Variants in TRPM3 observed in about 807,000 individuals in gnomAD.
TRPM3 encodes the protein long transient receptor potential channel 3.
In TRPM3, 77 loss-of-function variants were observed where a neutral mutation model predicts 181.2. That is an observed-to-expected ratio of 0.42 (90% CI 0.35 to 0.51). The LOEUF is 0.51. Among genes scored for constraint, TRPM3 ranks in the 20% least tolerant of loss-of-function variants. The pLI, the probability that TRPM3 is intolerant of heterozygous loss-of-function variation, is 0.01. For synonymous variants in TRPM3, 745 were observed against 796.4 expected (o/e 0.94, Z 1.09); for missense variants, 1,759 against 2,196.7 (o/e 0.80, Z 3.98).
intron 1 of TRPM3, among the ~76,000 whole-genome samples, chr9:71,197,698 G>A (rs569534746): frequency 0.03 from 4,610 of 151,784 alleles, 209 homozygotes; most frequent in African/African-American, 0.1. Context: ...CATTTCCTTC[G>A]CCCACTTTTT....
intron 7 of TRPM3, among the ~76,000 whole-genome samples, chr9:70,771,432 CTTCT>C (rs1434287246): frequency 4.0e-5 from 6 of 151,864 alleles, no homozygotes; most frequent in Admixed American, 3.3e-4. Context: ...CATTCTTTTC[CTTCT>C]TTCTTTCCTT....
rs538484233 is a variant in TRPM3, at chr9:71,096,101, C to T, written c.177+25077G>A. ...ATTAGTTTTTCTTGTTTCTGGAGGA[C>T]GAAGTATGATTTTAAGTGAAGTTAA... On this transcript the variant is annotated intron_variant, in intron 1 of 25. Coordinates refer to ENST00000677713, the MANE Select transcript of TRPM3 (RefSeq NM_001366145.2). Among the ~76,000 whole-genome samples, 17 of 151,838 alleles carry T rather than the reference C, an allele frequency of 1.1e-4. No individual in the cohort carries two copies. In the East Asian group the frequency reaches 3.1e-3, roughly 28 times the overall value.
intron 1 of TRPM3, among the ~76,000 whole-genome samples, chr9:71,109,108 G>T (rs1170820148): frequency 1.3e-5 from 2 of 152,144 alleles, no homozygotes; most frequent in Admixed American, 1.3e-4. Context: ...GCTGTTCCTG[G>T]TTCTACAGCA....
intron 1 of TRPM3, among the ~76,000 whole-genome samples, chr9:71,036,286 G>A (rs997689967): frequency 1.3e-5 from 2 of 152,124 alleles, no homozygotes; most frequent in African/African-American, 4.8e-5. Flanking sequence ...ATGACAGAAA[G>A]CAATTTCAGT....
At chr9:70,700,561 C>T (rs984155708) in intron 8 of TRPM3, among the ~76,000 whole-genome samples, 2 of 152,184 alleles carry the variant, frequency 1.3e-5, no homozygotes, top group African/African-American at 4.8e-5. Flanking sequence ...TGCTTTTGAA[C>T]AGAGCTATAT....
At chr9:70,632,668 A>G (rs1300570179) in intron 12 of TRPM3, among the ~76,000 whole-genome samples, 1 of 152,162 alleles carries the variant, frequency 6.6e-6, no homozygotes, top group Admixed American at 6.5e-5. Context: ...GTAAATGGTA[A>G]CTGCATGCTT....
At chr9:70,932,790 C>T (rs1332419696) in intron 1 of TRPM3, among the ~76,000 whole-genome samples, 4 of 152,154 alleles carry the variant, frequency 2.6e-5, no homozygotes, top group Non-Finnish European at 4.4e-5. Context: ...CACAGGATGC[C>T]TCTGAAGGGC....
At chr9:70,545,730 T>G (rs1419665965) in intron 25 of TRPM3, among the ~76,000 whole-genome samples, 2 of 152,010 alleles carry the variant, frequency 1.3e-5, no homozygotes, top group Middle Eastern at 3.4e-3. Flanking sequence ...GTGTTTTCAG[T>G]AGAGATGGGG....
chr9:70,910,850 G>A (rs78116045), intron 1 of TRPM3, among the ~76,000 whole-genome samples: 9,024 of 152,160 alleles, frequency 0.059, 306 homozygotes, highest in South Asian at 0.085. Context: ...ATTGCTCAGC[G>A]CTGCTAAAGG....
intron 5 of TRPM3, among the ~76,000 whole-genome samples, chr9:70,834,627 T>C (rs1055075437): frequency 6.6e-6 from 1 of 152,184 alleles, no homozygotes; most frequent in African/African-American, 2.4e-5. Context: ...CGTTACTTAC[T>C]CTGGGGGAAG....
intron 1 of TRPM3, among the ~76,000 whole-genome samples, chr9:70,919,567 T>G (rs1021638886): frequency 6.6e-6 from 1 of 152,156 alleles, no homozygotes; most frequent in African/African-American, 2.4e-5. Context: ...GTGGATCACC[T>G]GAGGTCAGGA....
chr9:70,772,201 A>G (rs1049988944), intron 7 of TRPM3, among the ~76,000 whole-genome samples: 1 of 152,228 alleles, frequency 6.6e-6, no homozygotes, highest in African/African-American at 2.4e-5. Flanking sequence ...CTATTTAATT[A>G]TAATACAATG....
chr9:71,197,686 T>C (rs1003429343), intron 1 of TRPM3, among the ~76,000 whole-genome samples: 18 of 152,246 alleles, frequency 1.2e-4, no homozygotes, highest in African/African-American at 4.1e-4. Flanking sequence ...GAAGTGTCTG[T>C]TCATTTCCTT....
chr9:70,686,686 T>TTCC (rs2066913165), intron 8 of TRPM3, among the ~76,000 whole-genome samples: 12 of 58,866 alleles, frequency 2.0e-4, no homozygotes, highest in South Asian at 7.8e-4. Flanking sequence ...TCCTTCCTTC[T>TTCC]TTCCTTCCTT....
chr9:71,288,432 C>T (rs1504392), intron 1 of TRPM3, among the ~76,000 whole-genome samples: 32,580 of 151,820 alleles, frequency 0.21, 3,835 homozygotes, highest in African/African-American at 0.27. Flanking sequence ...GGGAGACAAA[C>T]AGACAAAGTT....
intron 1 of TRPM3, among the ~76,000 whole-genome samples, chr9:70,944,470 C>T (rs1004949921): frequency 2.6e-5 from 4 of 152,102 alleles, no homozygotes; most frequent in African/African-American, 4.8e-5. Flanking sequence ...CCTTTCTTCT[C>T]GCTCTCCTTT....
At chr9:71,182,158 AT>A (rs1245725680) in intron 1 of TRPM3, among the ~76,000 whole-genome samples, 1 of 151,946 alleles carries the variant, frequency 6.6e-6, no homozygotes, top group South Asian at 2.1e-4. Context: ...TATATGATGC[AT>A]TTTTTTTCTC....
rs536356284 is a variant in TRPM3, at chr9:70,581,011, TTGAA to T, written c.3223+10016_3223+10019del. 4.6e-5 allele frequency among the ~76,000 whole-genome samples: 7 copies of T among 152,376 alleles called. No individual in the cohort carries two copies. In the South Asian group the frequency reaches 1.4e-3, roughly 32 times the overall value. ...CACTTGAAGTGCTTAGTAAATGTCA[TTGAA>T]TGAATGAACCCATTCAAACTAGAAT... On this transcript the variant is annotated intron_variant, in intron 22 of 25. Coordinates refer to ENST00000677713, the MANE Select transcript of TRPM3 (RefSeq NM_001366145.2).
chr9:71,375,976 T>A (rs183539584), intron 1 of TRPM3, among the ~76,000 whole-genome samples: 1 of 152,184 alleles, frequency 6.6e-6, no homozygotes, highest in Non-Finnish European at 1.5e-5. Flanking sequence ...TGCAGTAGTC[T>A]GGAACCGAAC....
Sources: gnomAD v4.1 joint callset for allele counts (sites outside exome capture counted in the v4.1 genomes callset) on GRCh38, gnomAD v4.1.1 for gene constraint, MANE v1.5 for transcripts, NCBI Gene and HGNC (gene_info 2026-07-23, HGNC 2026-07-21) for gene names.